RARB: variants seen among roughly 807,000 people sequenced by gnomAD.
The protein encoded by RARB is HBV-activated protein.
In RARB, 17 loss-of-function variants were observed where a neutral mutation model predicts 51.9. The ratio of observed to expected loss-of-function variants is 0.33; its 90% CI spans 0.22 to 0.49. RARB has a LOEUF of 0.49. RARB is among the 20% of genes least tolerant of loss of function. The probability of loss-of-function intolerance (pLI) is 0.99; values close to 1 mark genes in which losing one functional copy is unlikely to be tolerated. For synonymous variants in RARB, 215 were observed against 195.4 expected (o/e 1.10, Z -0.84); for missense variants, 369 against 550.8 (o/e 0.67, Z 3.30).
At chr3:25,055,335 C>T (rs1698414283) in intron 2 of RARB, among the ~76,000 whole-genome samples, 1 of 152,036 alleles carries the variant, frequency 6.6e-6, no homozygotes, top group Non-Finnish European at 1.5e-5. Context: ...TCATGGAGTA[C>T]CTGCCAAGTA....
chr3:25,016,758 T>C (rs1300951065), intron 2 of RARB, among the ~76,000 whole-genome samples: 1 of 152,008 alleles, frequency 6.6e-6, no homozygotes. Context: ...CACAGAGACA[T>C]AGTGCTCAGG....
In RARB at chr3:25,445,481, A is replaced by G. The variant is rs530997694; in HGVS notation, c.158-15712A>G. ...GGAGTTCAAGACCAGCCTGGCCAAC[A>G]TGGTGAAACCCTGTCTATACTGAAA... On this transcript the variant is annotated intron_variant, in intron 1 of 7. Transcript: ENST00000330688. Among the ~76,000 whole-genome samples the G allele has an allele frequency of 3.3e-5, 5 of 152,214 alleles. No homozygotes were observed. In the East Asian group the frequency reaches 7.8e-4, roughly 24 times the overall value.
intron 3 of RARB, among the ~76,000 whole-genome samples, chr3:25,130,526 T>C (rs980766757): frequency 1.3e-5 from 2 of 151,924 alleles, no homozygotes; most frequent in Non-Finnish European, 2.9e-5. Flanking sequence ...GACCACCTTG[T>C]ATTTACTCTC....
At chr3:24,962,192 T>G (rs13068239) in intron 2 of RARB, among the ~76,000 whole-genome samples, 65,036 of 151,454 alleles carry the variant, frequency 0.43, 14,442 homozygotes, top group Admixed American at 0.56. Flanking sequence ...GCCTCCTAAA[T>G]TGCTGGGATT....
At chr3:24,853,426 G>A (rs141804615) in intron 1 of RARB, among the ~76,000 whole-genome samples, 5 of 152,102 alleles carry the variant, frequency 3.3e-5, no homozygotes, top group African/African-American at 1.2e-4. Context: ...TACTTTTTAC[G>A]GCTATCTAAA....
intron 2 of RARB, among the ~76,000 whole-genome samples, chr3:24,885,996 T>G (rs1349410224): frequency 6.6e-6 from 1 of 152,204 alleles, no homozygotes; most frequent in Non-Finnish European, 1.5e-5. Flanking sequence ...AGGGTAATCT[T>G]GCCTTCATGA....
At chr3:25,468,039 G>A (rs1695516812) in intron 2 of RARB, among the ~76,000 whole-genome samples, 2 of 152,200 alleles carry the variant, frequency 1.3e-5, no homozygotes, top group Admixed American at 6.5e-5. Context: ...TCATGGCTGA[G>A]GAGGAACCAG....
intron 2 of RARB, among the ~76,000 whole-genome samples, chr3:24,933,282 A>T (rs76623663): frequency 1.3e-5 from 2 of 149,968 alleles, no homozygotes; most frequent in Non-Finnish European, 3.0e-5. Context: ...TTCACTATAC[A>T]TTTTTTTTTT....
intron 2 of RARB, among the ~76,000 whole-genome samples, chr3:25,500,533 G>A (rs1352956023): frequency 7.1e-6 from 1 of 140,182 alleles, no homozygotes; most frequent in Non-Finnish European, 1.5e-5. Flanking sequence ...AGACTGGAGT[G>A]CGGTGGCACA....
chr3:24,979,393 A>C (rs1357411467), intron 2 of RARB, among the ~76,000 whole-genome samples: 1 of 152,140 alleles, frequency 6.6e-6, no homozygotes, highest in Non-Finnish European at 1.5e-5. Context: ...TAGGTCTCTA[A>C]GGACTTGCTT....
intron 1 of RARB, among the ~76,000 whole-genome samples, chr3:25,432,543 T>C (rs765674449): frequency 1.1e-4 from 16 of 152,220 alleles, no homozygotes; most frequent in South Asian, 6.2e-4. Flanking sequence ...TTCTCATTTC[T>C]AGAAGCCTGG....
At position 25,470,016 on chromosome 3, in the gene RARB, G is replaced by A. The variant is rs553999258; in HGVS notation, c.306+8675G>A. ...GTGCAAGGTCTGCGTGTTCAGTTCC[G>A]GAGGCCGTGTTGAGTCACGGTCCAC... On this transcript the variant is annotated intron_variant, in intron 2 of 7. Transcript: ENST00000330688. Among the ~76,000 whole-genome samples the A allele has an allele frequency of 1.1e-4, 16 of 152,260 alleles. 1 individual carries two copies. The highest frequency in any genetic ancestry group is 3.9e-4 in the Admixed American group (6 of 15,300).
At chr3:25,075,389 T>C (rs2125310377) in intron 3 of RARB, among the ~76,000 whole-genome samples, 1 of 152,322 alleles carries the variant, frequency 6.6e-6, no homozygotes, top group East Asian at 1.9e-4. Flanking sequence ...AGAAACCTTT[T>C]CTGTGCAGTA....
intron 5 of RARB, among the ~76,000 whole-genome samples, chr3:25,353,823 A>C (rs1257058310): frequency 6.6e-6 from 1 of 152,122 alleles, no homozygotes; most frequent in African/African-American, 2.4e-5. Flanking sequence ...CCAGACTTCA[A>C]GTGGTTCTAT....
intron 2 of RARB, among the ~76,000 whole-genome samples, chr3:25,013,197 G>A (rs1697434150): frequency 6.6e-6 from 1 of 152,114 alleles, no homozygotes; most frequent in Non-Finnish European, 1.5e-5. Flanking sequence ...TAGGTCTGGA[G>A]TCAACTCAAA....
At chr3:25,351,736 G>A (rs985724604) in intron 5 of RARB, among the ~76,000 whole-genome samples, 3 of 152,054 alleles carry the variant, frequency 2.0e-5, no homozygotes, top group African/African-American at 7.2e-5. Context: ...GTTTTCCCTT[G>A]TTCCATCCCC....
At chr3:25,255,308 C>CTAGCGG (rs899097880) in intron 5 of RARB, among the ~76,000 whole-genome samples, 9 of 152,138 alleles carry the variant, frequency 5.9e-5, no homozygotes, top group African/African-American at 2.2e-4. Flanking sequence ...CCAGCAGTGA[C>CTAGCGG]TAGCGGTAAG....
intron 3 of RARB, among the ~76,000 whole-genome samples, chr3:25,520,345 C>T (rs933363108): frequency 5.3e-5 from 8 of 152,154 alleles, no homozygotes; most frequent in Middle Eastern, 3.2e-3. Flanking sequence ...CATGCCTTAC[C>T]ATCCTATCTC....
chr3:25,198,077 T>C (rs1201118646), intron 5 of RARB, among the ~76,000 whole-genome samples: 2 of 151,956 alleles, frequency 1.3e-5, no homozygotes, highest in Non-Finnish European at 2.9e-5. Context: ...AGAACAGACA[T>C]ATAGACCTAT....
Sources: allele counts gnomAD v4.1 joint callset (sites outside exome capture counted in the v4.1 genomes callset), GRCh38; gene constraint gnomAD v4.1.1; transcripts MANE v1.5; gene names NCBI Gene and HGNC (gene_info 2026-07-23, HGNC 2026-07-21).